Variants in MIR2052HG observed in about 807,000 individuals in gnomAD.
The protein encoded by MIR2052HG is MIR2052 host gene.
chr8:74,735,537 A>G, intron 4 of MIR2052HG, among the ~76,000 whole-genome samples: 1 of 152,210 alleles, frequency 6.6e-6, no homozygotes, highest in East Asian at 1.9e-4. Flanking sequence ...TTCTGTTGGC[A>G]CCATATTCTC....
chr8:74,688,167 A>T (rs1462404559), intron 2 of MIR2052HG, among the ~76,000 whole-genome samples: 1 of 152,214 alleles, frequency 6.6e-6, no homozygotes, highest in African/African-American at 2.4e-5. Flanking sequence ...AGAATGAGAT[A>T]GCATTTTAAC....
intron 3 of MIR2052HG, among the ~76,000 whole-genome samples, chr8:74,703,423 GT>G (rs1809377366): frequency 6.6e-6 from 1 of 151,990 alleles, no homozygotes; most frequent in African/African-American, 2.4e-5. Context: ...AATACCTAAA[GT>G]TTTCAGAGCC....
chr8:74,698,898 TTAAAG>T (rs1335611542), intron 2 of MIR2052HG, among the ~76,000 whole-genome samples: 5 of 151,828 alleles, frequency 3.3e-5, no homozygotes, highest in Non-Finnish European at 2.9e-5. Flanking sequence ...ATCCTGGAAC[TTAAAG>T]TAAAATAAAA....
At chr8:74,654,060 A>G (rs181156877) in intron 2 of MIR2052HG, among the ~76,000 whole-genome samples, 15 of 152,300 alleles carry the variant, frequency 9.8e-5, no homozygotes, top group African/African-American at 3.1e-4. Context: ...TAAATTGTAG[A>G]CACCCCTACC....
chr8:74,739,475 T>A (rs930148350), intron 4 of MIR2052HG, among the ~76,000 whole-genome samples: 1 of 152,196 alleles, frequency 6.6e-6, no homozygotes, highest in Non-Finnish European at 1.5e-5. Context: ...TTTCTTGAAC[T>A]TATAAAATTA....
Position 74,649,457 on chromosome 8 carries a change from A to G in MIR2052HG, n.216+36517A>G, listed in dbSNP as rs542450252. The stretch of plus-strand genomic sequence containing the variant: ...GTTCTAAAAAGGAAATCTGAGGGGT[A>G]TGAGATAAAAACGTGTTGATCATGG... On this transcript the variant is annotated intron_variant and non_coding_transcript_variant, in intron 2 of 6. Transcript: ENST00000523442. Among the ~76,000 whole-genome samples the G allele has an allele frequency of 3.3e-5, 5 of 152,270 alleles. No individual in the cohort carries two copies. The South Asian group carries it at 1.0e-3, about 32-fold the overall frequency.
At chr8:74,680,137 A>G (rs895684431) in intron 2 of MIR2052HG, among the ~76,000 whole-genome samples, 3 of 152,204 alleles carry the variant, frequency 2.0e-5, no homozygotes, top group Non-Finnish European at 4.4e-5. Flanking sequence ...TAGAAAAGTA[A>G]ATTACATTTT....
chr8:74,733,986 G>T (rs1355116750), intron 4 of MIR2052HG, among the ~76,000 whole-genome samples: 1 of 152,188 alleles, frequency 6.6e-6, no homozygotes, highest in Non-Finnish European at 1.5e-5. Context: ...TGACAAATGG[G>T]ATCTAATTAA....
At chr8:74,652,330 G>A (rs1205119098) in intron 2 of MIR2052HG, among the ~76,000 whole-genome samples, 1 of 152,262 alleles carries the variant, frequency 6.6e-6, no homozygotes, top group Non-Finnish European at 1.5e-5. Context: ...TTTCTGGTTG[G>A]AGCCAGTGAT....
intron 4 of MIR2052HG, among the ~76,000 whole-genome samples, chr8:74,722,844 T>C (rs1415524293): frequency 2.6e-5 from 4 of 152,206 alleles, no homozygotes. Context: ...GGGTTAAGCA[T>C]CTTGCCCAAG....
chr8:74,646,321 G>C (rs1370969494), intron 2 of MIR2052HG, among the ~76,000 whole-genome samples: 1 of 152,192 alleles, frequency 6.6e-6, no homozygotes, highest in Non-Finnish European at 1.5e-5. Flanking sequence ...GTGAAGAAAT[G>C]ATGGCCACCT....
intron 4 of MIR2052HG, among the ~76,000 whole-genome samples, chr8:74,742,174 A>C (rs1809837660): frequency 6.6e-6 from 1 of 152,218 alleles, no homozygotes; most frequent in Non-Finnish European, 1.5e-5. Flanking sequence ...GCTCTGAACT[A>C]TGAACTAAAT....
At chr8:74,701,568 C>T (rs1809358541) in intron 2 of MIR2052HG, among the ~76,000 whole-genome samples, 1 of 151,986 alleles carries the variant, frequency 6.6e-6, no homozygotes, top group Non-Finnish European at 1.5e-5. Flanking sequence ...TAGACTGTTC[C>T]TAGGTTATGA....
chr8:74,652,109 T>C (rs183612172), intron 2 of MIR2052HG, among the ~76,000 whole-genome samples: 2 of 152,338 alleles, frequency 1.3e-5, no homozygotes, highest in East Asian at 3.9e-4. Context: ...CAACATAGGC[T>C]ATAGCCTCAG....
intron 2 of MIR2052HG, among the ~76,000 whole-genome samples, chr8:74,675,059 G>T (rs1199855035): frequency 6.6e-6 from 1 of 151,880 alleles, no homozygotes; most frequent in Non-Finnish European, 1.5e-5. Flanking sequence ...TTCAATAATT[G>T]AACAAATTTA....
At chr8:74,664,863 A>G (rs1808905445) in intron 2 of MIR2052HG, among the ~76,000 whole-genome samples, 1 of 152,136 alleles carries the variant, frequency 6.6e-6, no homozygotes, top group Admixed American at 6.5e-5. Context: ...AACTTCCTGG[A>G]CTTTGCATCT....
At chr8:74,604,018 A>G in intron 1 of MIR2052HG, 1 of 976,226 alleles carries the variant, frequency 1.0e-6, no homozygotes, top group Non-Finnish European at 1.7e-6. Flanking sequence ...CAGTTTGTCA[A>G]TGATCATAGC....
intron 4 of MIR2052HG, among the ~76,000 whole-genome samples, chr8:74,704,722 T>C (rs1809392290): frequency 6.6e-6 from 1 of 152,100 alleles, no homozygotes; most frequent in Non-Finnish European, 1.5e-5. Flanking sequence ...TTGGTTGAAA[T>C]GTTTCATCTA....
intron 4 of MIR2052HG, among the ~76,000 whole-genome samples, chr8:74,746,416 C>T (rs2128756253): frequency 6.6e-6 from 1 of 152,182 alleles, no homozygotes; most frequent in East Asian, 1.9e-4. Flanking sequence ...TAGTCCAGCC[C>T]TAGACGTCAT....
Sources: gnomAD v4.1 joint callset for allele counts (sites outside exome capture counted in the v4.1 genomes callset) on GRCh38, gnomAD v4.1.1 for gene constraint, MANE v1.5 for transcripts, NCBI Gene and HGNC (gene_info 2026-07-23, HGNC 2026-07-21) for gene names.